The following STXBP6 variants were observed in gnomAD, a reference collection of about 807,000 sequenced individuals.
STXBP6 encodes syntaxin-binding protein 6.
STXBP6 carries 21 observed loss-of-function variants against 26.9 expected under a neutral mutation model. The observed-to-expected ratio is 0.78, with a 90% CI of 0.55 to 1.12. The LOEUF is 1.12. Ranked by LOEUF, STXBP6 falls within the 50% of genes most tolerant of loss-of-function variation. The probability of loss-of-function intolerance (pLI) is 0.00; values close to 1 mark genes in which losing one functional copy is unlikely to be tolerated. For missense variants in STXBP6, 232 were observed against 257.9 expected, an observed-to-expected ratio of 0.90 and a Z score of 0.69; for synonymous variants, 97 against 92.6, an observed-to-expected ratio of 1.05 and a Z score of -0.27.
chr14:24,929,774 C>T (rs10162461), intron 2 of STXBP6, among the ~76,000 whole-genome samples: 37,295 of 152,094 alleles, frequency 0.25, 4,845 homozygotes, highest in African/African-American at 0.33. Context: ...CTGGGCATCG[C>T]TCAATGAACT....
chr14:24,998,598 A>T (rs1044061068), intron 1 of STXBP6, among the ~76,000 whole-genome samples: 2 of 151,962 alleles, frequency 1.3e-5, no homozygotes, highest in Non-Finnish European at 2.9e-5. Flanking sequence ...TACAGGAGGT[A>T]AAAAAAACAA....
intron 1 of STXBP6, among the ~76,000 whole-genome samples, chr14:25,013,497 C>CACACAT (rs1421807322): frequency 3.8e-4 from 57 of 151,666 alleles, no homozygotes; most frequent in African/African-American, 1.3e-3. Context: ...CACACACACA[C>CACACAT]ACACACCCCT....
intron 2 of STXBP6, among the ~76,000 whole-genome samples, chr14:24,916,039 A>G (rs2071753415): frequency 1.3e-5 from 2 of 152,110 alleles, no homozygotes; most frequent in Non-Finnish European, 1.5e-5. Flanking sequence ...ACTACCAGAA[A>G]AACCAAAAAG....
At chr14:24,916,017 G>A (rs1212699409) in intron 2 of STXBP6, among the ~76,000 whole-genome samples, 5 of 152,114 alleles carry the variant, frequency 3.3e-5, no homozygotes, top group East Asian at 1.9e-4. Flanking sequence ...TTATAACTCC[G>A]ATTCTGAAGT....
intron 2 of STXBP6, among the ~76,000 whole-genome samples, chr14:24,937,050 A>C (rs1010325305): frequency 2.0e-5 from 3 of 152,262 alleles, no homozygotes; most frequent in Non-Finnish European, 4.4e-5. Context: ...CAGACAATCA[A>C]ACACTACATG....
At chr14:24,896,892 C>T (rs1042079863) in intron 2 of STXBP6, among the ~76,000 whole-genome samples, 3 of 152,016 alleles carry the variant, frequency 2.0e-5, no homozygotes, top group Admixed American at 6.5e-5. Flanking sequence ...TAGTGGGGCC[C>T]AAGTGAATGG....
chr14:24,999,451 C>G (rs2074694728), intron 1 of STXBP6, among the ~76,000 whole-genome samples: 1 of 152,098 alleles, frequency 6.6e-6, no homozygotes, highest in Non-Finnish European at 1.5e-5. Context: ...TATTGATTGT[C>G]CATGCTATTA....
chr14:24,990,381 G>A (rs886867525), intron 1 of STXBP6, among the ~76,000 whole-genome samples: 7 of 152,088 alleles, frequency 4.6e-5, no homozygotes, highest in Admixed American at 6.6e-5. Context: ...AAGCTGCGCC[G>A]CGCGCAGTGG....
At chr14:24,836,500 A>G (rs939188860) in intron 4 of STXBP6, among the ~76,000 whole-genome samples, 6 of 148,718 alleles carry the variant, frequency 4.0e-5, no homozygotes, top group Non-Finnish European at 7.4e-5. Flanking sequence ...TGGGAGGCTG[A>G]GTCAGGAAGA....
chr14:24,880,616 A>G (rs1474060834), intron 2 of STXBP6, among the ~76,000 whole-genome samples: 1 of 152,200 alleles, frequency 6.6e-6, no homozygotes, highest in African/African-American at 2.4e-5. Context: ...CTGTATTGAA[A>G]ATGAAAGGTA....
chr14:25,015,045 A>T (rs2075117045), intron 1 of STXBP6, among the ~76,000 whole-genome samples: 1 of 152,206 alleles, frequency 6.6e-6, no homozygotes, highest in Non-Finnish European at 1.5e-5. Context: ...TTATATTTCT[A>T]TGAGCCTTTT....
chr14:24,962,917 G>C (rs2073598560), intron 2 of STXBP6, among the ~76,000 whole-genome samples: 1 of 150,248 alleles, frequency 6.7e-6, no homozygotes, highest in Non-Finnish European at 1.5e-5. Context: ...ATAGATGAAT[G>C]ATCAAATATT....
At chr14:24,840,010 T>C (rs1437432540) in intron 4 of STXBP6, among the ~76,000 whole-genome samples, 1 of 152,214 alleles carries the variant, frequency 6.6e-6, no homozygotes, top group African/African-American at 2.4e-5. Context: ...TTAGGTATAT[T>C]ACAGCTAGTG....
chr14:24,867,361 T>TA (rs773112453), intron 2 of STXBP6, among the ~76,000 whole-genome samples: 4 of 152,158 alleles, frequency 2.6e-5, no homozygotes, highest in African/African-American at 4.8e-5. Context: ...CGGTGGTTGA[T>TA]AATTGCCTAG....
chr14:25,040,841 T>C (rs1263665927), intron 1 of STXBP6, among the ~76,000 whole-genome samples: 1 of 152,222 alleles, frequency 6.6e-6, no homozygotes. Flanking sequence ...GATGTCTTCA[T>C]TCAAGATTCC....
chr14:24,976,329 C>T (rs2074044102), intron 1 of STXBP6, among the ~76,000 whole-genome samples: 1 of 152,220 alleles, frequency 6.6e-6, no homozygotes, highest in Admixed American at 6.5e-5. Context: ...TAAAAAAGAA[C>T]ACCTTTCTAG....
intron 2 of STXBP6, among the ~76,000 whole-genome samples, chr14:24,962,734 C>T (rs890768890): frequency 6.6e-6 from 1 of 152,040 alleles, no homozygotes; most frequent in Non-Finnish European, 1.5e-5. Context: ...AAGCAGGGCA[C>T]AGAGAAGAAC....
intron 4 of STXBP6, among the ~76,000 whole-genome samples, chr14:24,842,250 A>T (rs1363663389): frequency 3.9e-5 from 6 of 152,192 alleles, no homozygotes; most frequent in Admixed American, 3.3e-4. Flanking sequence ...GCGTATTTGT[A>T]AACTCCTTTC....
At chr14:24,928,224 T>C (rs1298377309) in intron 2 of STXBP6, among the ~76,000 whole-genome samples, 3 of 152,300 alleles carry the variant, frequency 2.0e-5, no homozygotes, top group African/African-American at 2.4e-5. Flanking sequence ...TGTACACTTA[T>C]ACTGAGGAAG....
Sources: gnomAD v4.1 joint callset for allele counts (sites outside exome capture counted in the v4.1 genomes callset) on GRCh38, gnomAD v4.1.1 for gene constraint, MANE v1.5 for transcripts, NCBI Gene and HGNC (gene_info 2026-07-23, HGNC 2026-07-21) for gene names.